Variants in NTF3 observed in about 807,000 individuals in gnomAD.
NTF3 encodes the protein neurotrophin 3.
NTF3 carries 8 observed loss-of-function variants against 26.3 expected under a neutral mutation model. The ratio of observed to expected loss-of-function variants is 0.30; its 90% CI spans 0.18 to 0.55. The LOEUF is 0.55. Among genes scored for constraint, NTF3 ranks in the 20% least tolerant of loss-of-function variants. The pLI is 0.93. For synonymous variants in NTF3, 154 were observed against 145.5 expected (o/e 1.06, Z -0.42); for missense variants, 276 against 352.9 (o/e 0.78, Z 1.75).
intron 1 of NTF3, among the ~76,000 whole-genome samples, chr12:5,483,447 T>C (rs1940831972): frequency 6.6e-6 from 1 of 152,184 alleles, no homozygotes; most frequent in African/African-American, 2.4e-5. Flanking sequence ...AGATTCCTCA[T>C]CCAGGTACTG....
intron 1 of NTF3, among the ~76,000 whole-genome samples, chr12:5,486,330 G>A (rs773655852): frequency 6.6e-6 from 1 of 152,184 alleles, no homozygotes; most frequent in Non-Finnish European, 1.5e-5. Context: ...ACCAAAGTAA[G>A]AATTGAAGGG....
At chr12:5,476,536 A>G (rs1453015985) in intron 1 of NTF3, among the ~76,000 whole-genome samples, 1 of 152,218 alleles carries the variant, frequency 6.6e-6, no homozygotes. Context: ...TGCTGGGAGA[A>G]TAGATGTATA....
At chr12:5,448,350 T>A (rs1940332139) in intron 1 of NTF3, among the ~76,000 whole-genome samples, 1 of 152,188 alleles carries the variant, frequency 6.6e-6, no homozygotes, top group Non-Finnish European at 1.5e-5. Flanking sequence ...AATTTGCTGT[T>A]CCTTTTCATG....
At chr12:5,438,943 T>G (rs1330404456) in intron 1 of NTF3, among the ~76,000 whole-genome samples, 1 of 152,214 alleles carries the variant, frequency 6.6e-6, no homozygotes, top group Admixed American at 6.5e-5. Flanking sequence ...TGGCACGCCC[T>G]TAACGAGCTC....
At chr12:5,453,469 T>C (rs933861584) in intron 1 of NTF3, among the ~76,000 whole-genome samples, 4 of 152,248 alleles carry the variant, frequency 2.6e-5, no homozygotes, top group African/African-American at 9.6e-5. Context: ...CCTGTTGGAC[T>C]CTTTCTCCTT....
At chr12:5,454,225 C>A (rs1940409793) in intron 1 of NTF3, among the ~76,000 whole-genome samples, 1 of 151,828 alleles carries the variant, frequency 6.6e-6, no homozygotes, top group Non-Finnish European at 1.5e-5. Flanking sequence ...TCTGGCATTT[C>A]TTGGCTTATA....
intron 1 of NTF3, among the ~76,000 whole-genome samples, chr12:5,461,828 C>T (rs1940529728): frequency 6.6e-6 from 1 of 152,128 alleles, no homozygotes; most frequent in Non-Finnish European, 1.5e-5. Flanking sequence ...GAAGGGAAAC[C>T]TGTGGCATAA....
At chr12:5,489,841 A>G (rs1251925337) in intron 1 of NTF3, among the ~76,000 whole-genome samples, 4 of 152,188 alleles carry the variant, frequency 2.6e-5, no homozygotes, top group African/African-American at 9.6e-5. Flanking sequence ...CTGCTTCTTG[A>G]ATACCCCCAA....
intron 1 of NTF3, among the ~76,000 whole-genome samples, chr12:5,450,971 G>T (rs953488728): frequency 7.2e-5 from 11 of 152,204 alleles, no homozygotes; most frequent in African/African-American, 2.7e-4. Context: ...TGTCTAGGAA[G>T]TGGTGGCACC....
chr12:5,493,591 A>G (rs985076621), intron 1 of NTF3, among the ~76,000 whole-genome samples: 1 of 152,088 alleles, frequency 6.6e-6, no homozygotes, highest in Non-Finnish European at 1.5e-5. Flanking sequence ...CGGAGTGGGT[A>G]GTGGCCCTAC....
At chr12:5,449,665 A>G (rs1318637188) in intron 1 of NTF3, among the ~76,000 whole-genome samples, 1 of 152,194 alleles carries the variant, frequency 6.6e-6, no homozygotes, top group Non-Finnish European at 1.5e-5. Flanking sequence ...GGGAGTAAGA[A>G]AAGCGCTAAC....
intron 1 of NTF3, among the ~76,000 whole-genome samples, chr12:5,437,896 G>T (rs1940190837): frequency 6.6e-6 from 1 of 152,176 alleles, no homozygotes; most frequent in Non-Finnish European, 1.5e-5. Flanking sequence ...TGCGTGCTGG[G>T]GGACACGTGA....
chr12:5,443,350 G>A (rs1277458940), intron 1 of NTF3, among the ~76,000 whole-genome samples: 2 of 152,186 alleles, frequency 1.3e-5, no homozygotes, highest in Non-Finnish European at 2.9e-5. Context: ...AAGAGCAATA[G>A]AGTCAATTGG....
At chr12:5,451,965 T>G (rs112914993) in intron 1 of NTF3, among the ~76,000 whole-genome samples, 2 of 152,296 alleles carry the variant, frequency 1.3e-5, no homozygotes, top group African/African-American at 4.8e-5. Flanking sequence ...AGTGCTGGGA[T>G]TACAGGCGTG....
At chr12:5,476,520 C>T (rs887899369) in intron 1 of NTF3, among the ~76,000 whole-genome samples, 1 of 152,290 alleles carries the variant, frequency 6.6e-6, no homozygotes, top group Middle Eastern at 3.4e-3. Flanking sequence ...TAGCAGCCTG[C>T]GTGTCTGCTG....
At chr12:5,487,763 C>T (rs935696988) in intron 1 of NTF3, among the ~76,000 whole-genome samples, 4 of 152,148 alleles carry the variant, frequency 2.6e-5, no homozygotes, top group Non-Finnish European at 4.4e-5. Context: ...CTTCCCTGCC[C>T]CTTCTCTCAC....
Position 5,432,254 on chromosome 12 carries a change from C to A in NTF3, c.-71C>A. On this transcript the variant is annotated 5_prime_UTR_variant, in exon 1 of 2. Coordinates refer to ENST00000423158, the MANE Select transcript of NTF3 (RefSeq NM_001102654.2). ...AGTGGCTGCGGCGGGGTGGGGGAGA[C>A]TTTGAATGACCGAGCTCGCGTCCAC... 6.4e-7 allele frequency: 1 copy of A among 1,572,610 alleles called. No individual in the cohort carries two copies. Among genetic ancestry groups the A allele is most frequent in the Non-Finnish European group, 8.7e-7 (1 of 1,143,970 alleles).
At chr12:5,450,727 C>CT (rs1940362415) in intron 1 of NTF3, among the ~76,000 whole-genome samples, 2 of 152,234 alleles carry the variant, frequency 1.3e-5, no homozygotes, top group Admixed American at 1.3e-4. Context: ...GACAAAGCAA[C>CT]GGAAACTTCC....
chr12:5,457,557 C>T (rs908770249), intron 1 of NTF3, among the ~76,000 whole-genome samples: 2 of 152,172 alleles, frequency 1.3e-5, no homozygotes, highest in African/African-American at 4.8e-5. Context: ...CCTGGGCTCT[C>T]CTCTCTCCAT....
Sources: allele counts gnomAD v4.1 joint callset (sites outside exome capture counted in the v4.1 genomes callset), GRCh38; gene constraint gnomAD v4.1.1; transcripts MANE v1.5; gene names NCBI Gene and HGNC (gene_info 2026-07-23, HGNC 2026-07-21).